The following BRINP3 variants were observed in gnomAD, a reference collection of about 807,000 sequenced individuals.
BRINP3 encodes the protein BMP/retinoic acid inducible neural specific 3, also known as BMP/retinoic acid-inducible neural-specific protein 3.
In BRINP3, 19 loss-of-function variants were observed where a neutral mutation model predicts 71.0. The ratio of observed to expected loss-of-function variants is 0.27; its 90% CI spans 0.19 to 0.39. BRINP3 has a LOEUF of 0.39. Among genes scored for constraint, BRINP3 ranks in the 10% least tolerant of loss-of-function variants. BRINP3 has a pLI of 1.00. For missense variants in BRINP3, 959 were observed against 940.8 expected (o/e 1.02, Z -0.25); for synonymous variants, 380 against 337.7 (o/e 1.13, Z -1.37).
intron 2 of BRINP3, among the ~76,000 whole-genome samples, chr1:190,426,247 T>C (rs1449939638): frequency 6.6e-6 from 1 of 151,762 alleles, no homozygotes; most frequent in Admixed American, 6.6e-5. Context: ...GCAAATACTA[T>C]GCCATTTTAT....
chr1:190,260,561 G>A (rs577111240), intron 4 of BRINP3, among the ~76,000 whole-genome samples: 1 of 151,798 alleles, frequency 6.6e-6, no homozygotes, highest in South Asian at 2.1e-4. Context: ...TATATATAGA[G>A]AGAGAGAGGT....
chr1:190,173,621 C>A (rs1325583118), intron 6 of BRINP3, among the ~76,000 whole-genome samples: 1 of 152,088 alleles, frequency 6.6e-6, no homozygotes, highest in Non-Finnish European at 1.5e-5. Context: ...ATCTCAAGAA[C>A]CCTTTACATT....
intron 2 of BRINP3, among the ~76,000 whole-genome samples, chr1:190,441,299 A>C (rs998688569): frequency 5.9e-5 from 9 of 152,094 alleles, no homozygotes; most frequent in Non-Finnish European, 8.8e-5. Context: ...GTAAGGCAGT[A>C]ACATATAATC....
chr1:190,187,146 A>C (rs1653602467), intron 6 of BRINP3, among the ~76,000 whole-genome samples: 2 of 152,162 alleles, frequency 1.3e-5, no homozygotes, highest in Non-Finnish European at 2.9e-5. Flanking sequence ...CATTTAATTC[A>C]TATGCCTATT....
At chr1:190,130,921 G>A (rs894658822) in intron 7 of BRINP3, among the ~76,000 whole-genome samples, 5 of 151,932 alleles carry the variant, frequency 3.3e-5, no homozygotes, top group Admixed American at 6.6e-5. Flanking sequence ...CGGGATTCCT[G>A]AACGATTATC....
In BRINP3 at chr1:190,099,900, CA is replaced by C. The variant is rs1243134029; in HGVS notation, c.1185-767del. Among the ~76,000 whole-genome samples, 7 of 152,004 alleles carry C rather than the reference CA, an allele frequency of 4.6e-5. No homozygotes were observed. In the East Asian group the frequency reaches 1.3e-3, roughly 29 times the overall value. On this transcript the variant is annotated intron_variant, in intron 7 of 7. Coordinates refer to ENST00000367462, the MANE Select transcript of BRINP3 (RefSeq NM_199051.3). The stretch of plus-strand genomic sequence containing the variant: ...ATCAGGTTAATCATGATTCCTTTTT[CA>C]AATCTCACTTTTCTGATTTTCTCGC...
chr1:190,256,966 T>C (rs1041312105), intron 4 of BRINP3, among the ~76,000 whole-genome samples: 3 of 152,186 alleles, frequency 2.0e-5, no homozygotes, highest in African/African-American at 7.2e-5. Context: ...TTATGTGTCT[T>C]GTGGTTGCTC....
chr1:190,323,815 G>C (rs533476104), intron 2 of BRINP3, among the ~76,000 whole-genome samples: 1 of 151,896 alleles, frequency 6.6e-6, no homozygotes, highest in East Asian at 1.9e-4. Context: ...TCCCTTTTCA[G>C]CTTCATAGCT....
intron 7 of BRINP3, among the ~76,000 whole-genome samples, chr1:190,118,506 T>C (rs1485804468): frequency 6.6e-6 from 1 of 152,114 alleles, no homozygotes; most frequent in African/African-American, 2.4e-5. Context: ...TTAACTCACG[T>C]CTCGCCTTTA....
intron 6 of BRINP3, among the ~76,000 whole-genome samples, chr1:190,220,990 A>G (rs1656835826): frequency 6.6e-6 from 1 of 152,112 alleles, no homozygotes; most frequent in South Asian, 2.1e-4. Flanking sequence ...AAGAGATAGT[A>G]TAAAAATCTG....
At chr1:190,185,594 A>T (rs12088760) in intron 6 of BRINP3, among the ~76,000 whole-genome samples, 2,517 of 152,292 alleles carry the variant, frequency 0.017, 59 homozygotes, top group African/African-American at 0.057. Context: ...AGAAGTTATA[A>T]TTGCATAGAT....
chr1:190,306,358 G>A (rs954457331), intron 2 of BRINP3, among the ~76,000 whole-genome samples: 3 of 151,866 alleles, frequency 2.0e-5, no homozygotes, highest in Non-Finnish European at 4.4e-5. Flanking sequence ...TTAAATAAGC[G>A]ATTTTGGAGG....
At chr1:190,165,461 TGTGTGTGTGTGTG>T (rs1370565665) in intron 6 of BRINP3, among the ~76,000 whole-genome samples, 2 of 68,706 alleles carry the variant, frequency 2.9e-5, no homozygotes, top group African/African-American at 1.3e-4. Context: ...TTTTTTTTTT[TGTGTGTGTGTGTG>T]TGTGTGTGTG....
At chr1:190,425,855 A>G (rs1333474470) in intron 2 of BRINP3, among the ~76,000 whole-genome samples, 1 of 151,772 alleles carries the variant, frequency 6.6e-6, no homozygotes, top group African/African-American at 2.4e-5. Context: ...AAATCATTGC[A>G]ATAAAATCTT....
intron 2 of BRINP3, among the ~76,000 whole-genome samples, chr1:190,410,513 T>C (rs569607963): frequency 1.3e-5 from 2 of 152,200 alleles, no homozygotes; most frequent in African/African-American, 2.4e-5. Flanking sequence ...GTCATCAGTG[T>C]ATAGACACAA....
chr1:190,376,778 A>C (rs1050851218), intron 2 of BRINP3, among the ~76,000 whole-genome samples: 6 of 152,030 alleles, frequency 3.9e-5, no homozygotes, highest in Non-Finnish European at 5.9e-5. Flanking sequence ...TGCCGATGTT[A>C]ATTGATATAT....
At position 190,303,514 on chromosome 1, in the gene BRINP3, T is replaced by G. The variant is rs1228589351; in HGVS notation, c.237-21764A>C. 2.0e-5 allele frequency among the ~76,000 whole-genome samples: 3 copies of G among 151,768 alleles called. No individual in the cohort carries two copies. The South Asian group carries it at 6.2e-4, about 31-fold the overall frequency. On this transcript the variant is annotated intron_variant, in intron 2 of 7. Transcript: ENST00000367462. Reference sequence around the variant, plus strand: ...TGACATAATTATCTGACAATGAAAATAAATAAGCTTTTAAGCATCAGTCAT... The same window carrying G: ...TGACATAATTATCTGACAATGAAAAGAAATAAGCTTTTAAGCATCAGTCAT...
intron 2 of BRINP3, among the ~76,000 whole-genome samples, chr1:190,387,991 G>T (rs763590192): frequency 2.6e-5 from 4 of 151,700 alleles, no homozygotes; most frequent in Admixed American, 6.6e-5. Flanking sequence ...CTACATTTAT[G>T]TATTCTTCTT....
At chr1:190,262,432 G>T (rs74738838) in intron 4 of BRINP3, among the ~76,000 whole-genome samples, 2 of 152,164 alleles carry the variant, frequency 1.3e-5, no homozygotes, top group Non-Finnish European at 2.9e-5. Flanking sequence ...TGGCTATGTT[G>T]TTACCAGCTG....
Sources: gnomAD v4.1 joint callset for allele counts (sites outside exome capture counted in the v4.1 genomes callset) on GRCh38, gnomAD v4.1.1 for gene constraint, MANE v1.5 for transcripts, NCBI Gene and HGNC (gene_info 2026-07-23, HGNC 2026-07-21) for gene names.